The following GRID2 variants were observed in gnomAD, a reference collection of about 807,000 sequenced individuals.
GRID2 encodes glutamate ionotropic receptor delta type subunit 2.
GRID2 carries 33 observed loss-of-function variants against 114.8 expected under a neutral mutation model. The ratio of observed to expected loss-of-function variants is 0.29; its 90% CI spans 0.22 to 0.38. The LOEUF is 0.38. Among genes scored for constraint, GRID2 ranks in the 10% least tolerant of loss-of-function variants. The pLI, the probability that GRID2 is intolerant of heterozygous loss-of-function variation, is 1.00. For synonymous variants in GRID2, 505 were observed against 449.9 expected (o/e 1.12, Z -1.55); for missense variants, 1,184 against 1,257.7 (o/e 0.94, Z 0.89).
chr4:92,310,893 G>A (rs755649515), intron 1 of GRID2, among the ~76,000 whole-genome samples: 5 of 151,962 alleles, frequency 3.3e-5, no homozygotes, highest in Admixed American at 6.6e-5. Flanking sequence ...GGAAATACAA[G>A]GGGAAATAAG....
intron 2 of GRID2, among the ~76,000 whole-genome samples, chr4:92,932,695 T>A (rs1481040562): frequency 6.6e-6 from 1 of 151,260 alleles, no homozygotes; most frequent in Admixed American, 6.6e-5. Context: ...AAATACATTA[T>A]CTTATATTCA....
chr4:93,252,697 G>A lies in GRID2; in HGVS notation c.1245+14207G>A, dbSNP rs527614013. On this transcript the variant is annotated intron_variant, in intron 8 of 15. Coordinates refer to ENST00000282020, the MANE Select transcript of GRID2 (RefSeq NM_001510.4). ...AATGACATTCATTCTTTCTATCCAT[G>A]AGCATGGAATGTTTTTCCATTTATT... 7.9e-5 allele frequency among the ~76,000 whole-genome samples: 12 copies of A among 152,200 alleles called. No homozygotes were observed. The South Asian group carries it at 1.9e-3, about 24-fold the overall frequency.
chr4:92,413,003 T>C (rs139197656), intron 1 of GRID2, among the ~76,000 whole-genome samples: 2 of 152,344 alleles, frequency 1.3e-5, no homozygotes, highest in African/African-American at 4.8e-5. Flanking sequence ...GTGTGCATAT[T>C]TGTGTTTATT....
chr4:93,054,986 G>C (rs1056373593), intron 2 of GRID2, among the ~76,000 whole-genome samples: 10 of 151,776 alleles, frequency 6.6e-5, no homozygotes, highest in Non-Finnish European at 5.9e-5. Context: ...CAAGTACTAT[G>C]TCACTGACTA....
At chr4:93,537,707 G>A (rs1732232502) in intron 13 of GRID2, among the ~76,000 whole-genome samples, 1 of 151,712 alleles carries the variant, frequency 6.6e-6, no homozygotes, top group African/African-American at 2.4e-5. Context: ...ATTACAACTT[G>A]TTTCTCCATT....
intron 2 of GRID2, among the ~76,000 whole-genome samples, chr4:92,933,206 C>T (rs192715686): frequency 1.1e-4 from 16 of 150,644 alleles, no homozygotes; most frequent in African/African-American, 2.7e-4. Flanking sequence ...ACCTCTTAAT[C>T]GGATTACTGT....
intron 4 of GRID2, among the ~76,000 whole-genome samples, chr4:93,122,496 G>C (rs747832262): frequency 1.3e-5 from 2 of 152,080 alleles, no homozygotes; most frequent in Admixed American, 1.3e-4. Context: ...GAAAAGGAAA[G>C]GTTATACTGG....
At chr4:93,792,859 T>G (rs1476077668) in intron 1 of GRID2, among the ~76,000 whole-genome samples, 1 of 152,304 alleles carries the variant, frequency 6.6e-6, no homozygotes, top group East Asian at 1.9e-4. Flanking sequence ...CGATTCATGG[T>G]GGTTTGTGAG....
intron 1 of GRID2, among the ~76,000 whole-genome samples, chr4:92,583,699 T>C (rs1025813355): frequency 7.8e-6 from 1 of 127,782 alleles, no homozygotes; most frequent in Non-Finnish European, 1.7e-5. Context: ...ATAATATACA[T>C]ATAATTTATA....
chr4:93,030,499 C>T (rs1724308111), intron 2 of GRID2, among the ~76,000 whole-genome samples: 1 of 151,976 alleles, frequency 6.6e-6, no homozygotes, highest in South Asian at 2.1e-4. Flanking sequence ...ATTCTTGTGC[C>T]CCAGCCTCTG....
intron 9 of GRID2, among the ~76,000 whole-genome samples, chr4:93,402,548 G>A (rs986773199): frequency 1.1e-4 from 17 of 151,912 alleles, no homozygotes; most frequent in Non-Finnish European, 2.4e-4. Context: ...GGAGATTGGA[G>A]GACTCTAAGG....
At chr4:92,616,919 C>T (rs1376165660) in intron 2 of GRID2, among the ~76,000 whole-genome samples, 1 of 151,156 alleles carries the variant, frequency 6.6e-6, no homozygotes, top group Non-Finnish European at 1.5e-5. Flanking sequence ...AAACTTGGCC[C>T]ATAATAATGG....
intron 11 of GRID2, among the ~76,000 whole-genome samples, chr4:93,484,088 CCTT>C (rs977757870): frequency 3.3e-5 from 5 of 151,800 alleles, no homozygotes; most frequent in Non-Finnish European, 7.4e-5. Context: ...TATTCTCTCT[CCTT>C]ATTTTCTTCT....
At chr4:93,497,051 ATT>A (rs528062125) in intron 12 of GRID2, among the ~76,000 whole-genome samples, 9 of 142,344 alleles carry the variant, frequency 6.3e-5, no homozygotes, top group Admixed American at 1.4e-4. Flanking sequence ...TGGTGGTATC[ATT>A]TTTTTTTTTT....
chr4:92,947,103 T>C (rs535057536), intron 2 of GRID2, among the ~76,000 whole-genome samples: 117 of 152,174 alleles, frequency 7.7e-4, no homozygotes, highest in South Asian at 4.1e-3. Context: ...GAGGAGGATA[T>C]AACAGAAAAC....
chr4:93,775,952 G>C (rs1009567568), downstream of GRID2, among the ~76,000 whole-genome samples: 7 of 152,164 alleles, frequency 4.6e-5, no homozygotes, highest in Admixed American at 2.6e-4. Flanking sequence ...TTAAATAAAA[G>C]ATGGGAAGAT....
intron 1 of GRID2, among the ~76,000 whole-genome samples, chr4:92,466,572 T>C (rs1721762002): frequency 6.6e-6 from 1 of 151,812 alleles, no homozygotes; most frequent in Admixed American, 6.6e-5. Context: ...AAATTCTCTA[T>C]CTATTCATTT....
At chr4:93,332,291 TGTGTGTGTGAGA>T (rs1758565432) in intron 8 of GRID2, among the ~76,000 whole-genome samples, 2 of 107,280 alleles carry the variant, frequency 1.9e-5, no homozygotes, top group Non-Finnish European at 3.5e-5. Context: ...TGTGTGTGTG[TGTGTGTGTGAGA>T]GAGAGAGAGA....
intron 13 of GRID2, among the ~76,000 whole-genome samples, chr4:93,565,157 G>C (rs536193910): frequency 1.3e-5 from 2 of 151,630 alleles, no homozygotes; most frequent in Admixed American, 6.6e-5. Flanking sequence ...TATAACAATA[G>C]CAATAAAGAT....
Sources: allele counts gnomAD v4.1 joint callset (sites outside exome capture counted in the v4.1 genomes callset), GRCh38; gene constraint gnomAD v4.1.1; transcripts MANE v1.5; gene names NCBI Gene and HGNC (gene_info 2026-07-23, HGNC 2026-07-21).